TENM2: variants seen among roughly 807,000 people sequenced by gnomAD.
The protein encoded by TENM2 is teneurin transmembrane protein 2.
Under a neutral mutation model 245.2 loss-of-function variants are expected in TENM2, and 52 were observed. The observed-to-expected ratio is 0.21, with a 90% confidence interval of 0.17 to 0.27. TENM2 has a LOEUF of 0.27. TENM2 is among the 10% of genes least tolerant of loss of function. TENM2 has a pLI of 1.00. For missense variants in TENM2, 3,046 were observed against 3,666.8 expected (o/e 0.83, Z 4.37); for synonymous variants, 1,363 against 1,438.9 (o/e 0.95, Z 1.19).
intron 2 of TENM2, among the ~76,000 whole-genome samples, chr5:167,744,848 A>G (rs970735082): frequency 5.3e-5 from 8 of 152,098 alleles, no homozygotes; most frequent in Non-Finnish European, 8.8e-5. Context: ...ACAAAACAAA[A>G]AAACCGTGAT....
intron 3 of TENM2, among the ~76,000 whole-genome samples, chr5:167,905,407 A>T (rs1467714586): frequency 6.6e-6 from 1 of 152,206 alleles, no homozygotes; most frequent in Non-Finnish European, 1.5e-5. Context: ...CTTGAAGATG[A>T]TTATGAGAAG....
At chr5:167,893,242 A>T (rs1462491299) in intron 3 of TENM2, among the ~76,000 whole-genome samples, 1 of 152,156 alleles carries the variant, frequency 6.6e-6, no homozygotes, top group Non-Finnish European at 1.5e-5. Flanking sequence ...CATTAAAAAC[A>T]ATTCACATCC....
chr5:167,569,118 T>G, intron 2 of TENM2, among the ~76,000 whole-genome samples: 1 of 122,346 alleles, frequency 8.2e-6, no homozygotes. Flanking sequence ...TGCAGAGAAC[T>G]GCATTTGTTT....
intron 2 of TENM2, among the ~76,000 whole-genome samples, chr5:167,546,806 C>T (rs1015065043): frequency 1.3e-5 from 2 of 152,136 alleles, no homozygotes; most frequent in African/African-American, 4.8e-5. Flanking sequence ...CTAAACTAAC[C>T]TCTCGGTCAA....
chr5:168,131,410 C>G (rs1010913282), intron 12 of TENM2, among the ~76,000 whole-genome samples: 1 of 152,240 alleles, frequency 6.6e-6, no homozygotes. Flanking sequence ...CCAGGTGCCA[C>G]AAGTCAGTAC....
chr5:167,214,720 G>T, the TENM2 span, among the ~76,000 whole-genome samples: 1 of 152,122 alleles, frequency 6.6e-6, no homozygotes, highest in Non-Finnish European at 1.5e-5. Context: ...AATACATATG[G>T]TGTCACTTGG....
chr5:167,410,477 A>G (rs1034905344), intron 2 of TENM2, among the ~76,000 whole-genome samples: 2 of 151,986 alleles, frequency 1.3e-5, no homozygotes, highest in Non-Finnish European at 2.9e-5. Context: ...TCTGCAACTC[A>G]TTTATAAAAA....
chr5:168,017,803 C>T (rs1785789515), intron 5 of TENM2, among the ~76,000 whole-genome samples: 1 of 152,134 alleles, frequency 6.6e-6, no homozygotes, highest in Non-Finnish European at 1.5e-5. Flanking sequence ...TTTCATATGT[C>T]AGGAGTACAA....
chr5:167,109,889 T>C, the TENM2 span, among the ~76,000 whole-genome samples: 3 of 152,216 alleles, frequency 2.0e-5, no homozygotes, highest in Non-Finnish European at 4.4e-5. Flanking sequence ...GGCAGAAATC[T>C]TTTGGCTGGA....
chr5:168,113,122 G>A (rs1399348181), intron 9 of TENM2, among the ~76,000 whole-genome samples: 1 of 152,094 alleles, frequency 6.6e-6, no homozygotes, highest in Non-Finnish European at 1.5e-5. Context: ...TTCGAGTCCA[G>A]ACAGGGCAAC....
chr5:167,874,466 T>G (rs1367539633), intron 2 of TENM2, among the ~76,000 whole-genome samples: 1 of 152,150 alleles, frequency 6.6e-6, no homozygotes, highest in African/African-American at 2.4e-5. Context: ...GCAGTACATC[T>G]AAAAGCAGGA....
the TENM2 span, among the ~76,000 whole-genome samples, chr5:167,071,774 T>C: frequency 2.6e-5 from 4 of 152,102 alleles, no homozygotes; most frequent in Non-Finnish European, 5.9e-5. Context: ...GCTCAGAGGA[T>C]TTCAGGGACA....
chr5:167,429,652 G>T (rs940778788), intron 2 of TENM2, among the ~76,000 whole-genome samples: 4 of 139,188 alleles, frequency 2.9e-5, no homozygotes, highest in Admixed American at 8.0e-5. Flanking sequence ...CTCTGCCCAG[G>T]CTGGAGTGCA....
At chr5:167,859,743 GC>G (rs1277038463) in intron 2 of TENM2, among the ~76,000 whole-genome samples, 1 of 92,594 alleles carries the variant, frequency 1.1e-5, no homozygotes, top group African/African-American at 5.2e-5. Flanking sequence ...GGGGGGATCA[GC>G]CCCCCGCCCG....
intron 2 of TENM2, among the ~76,000 whole-genome samples, chr5:167,697,873 C>T (rs1261502942): frequency 2.0e-5 from 3 of 152,180 alleles, no homozygotes; most frequent in East Asian, 1.9e-4. Context: ...TCTTGTGGAC[C>T]TACTATTCTA....
At chr5:167,144,102 C>A in the TENM2 span, among the ~76,000 whole-genome samples, 2 of 151,928 alleles carry the variant, frequency 1.3e-5, no homozygotes, top group African/African-American at 4.8e-5. Flanking sequence ...AAAATAAAAG[C>A]TTAGTTTCCC....
chr5:167,103,346 A>G, the TENM2 span, among the ~76,000 whole-genome samples: 113 of 152,358 alleles, frequency 7.4e-4, no homozygotes, highest in African/African-American at 2.7e-3. Context: ...AGCTTTCCCA[A>G]TGGACTTAGT....
At chr5:167,705,247 G>A (rs1758425239) in intron 2 of TENM2, among the ~76,000 whole-genome samples, 1 of 152,194 alleles carries the variant, frequency 6.6e-6, no homozygotes, top group Non-Finnish European at 1.5e-5. Flanking sequence ...GACTGGGACT[G>A]TGCTGAGCTC....
the TENM2 span, among the ~76,000 whole-genome samples, chr5:167,122,351 G>T: frequency 3.5e-4 from 53 of 152,126 alleles, no homozygotes; most frequent in East Asian, 9.3e-3. Context: ...TCCTGCTAGG[G>T]TTTACAGTAG....
Sources: allele counts gnomAD v4.1 joint callset (sites outside exome capture counted in the v4.1 genomes callset), GRCh38; gene constraint gnomAD v4.1.1; transcripts MANE v1.5; gene names NCBI Gene and HGNC (gene_info 2026-07-23, HGNC 2026-07-21).